AKIRIN2: variants seen among roughly 807,000 people sequenced by gnomAD.
The protein encoded by AKIRIN2 is akirin 2.
A neutral mutation model predicts 29.3 loss-of-function variants in AKIRIN2; 6 were observed. The observed-to-expected ratio is 0.20, with a 90% CI of 0.11 to 0.40. AKIRIN2 has a LOEUF of 0.40. Ranked by LOEUF, AKIRIN2 falls within the 10% of genes least tolerant of loss-of-function variation. The probability of loss-of-function intolerance (pLI) is 1.00; values close to 1 mark genes in which losing one functional copy is unlikely to be tolerated. For missense variants in AKIRIN2, 210 were observed against 276.1 expected, an observed-to-expected ratio of 0.76 and a Z score of 1.70; for synonymous variants, 128 against 117.5, an observed-to-expected ratio of 1.09 and a Z score of -0.58.
chr6:87,699,125 G>A (rs1337273574), intron 1 of AKIRIN2, among the ~76,000 whole-genome samples: 1 of 152,104 alleles, frequency 6.6e-6, no homozygotes, highest in African/African-American at 2.4e-5. Flanking sequence ...AATGACAGAT[G>A]GGTATTTACT....
chr6:87,697,362 T>C (rs960904187), intron 1 of AKIRIN2, among the ~76,000 whole-genome samples: 1 of 150,388 alleles, frequency 6.6e-6, no homozygotes, highest in Non-Finnish European at 1.5e-5. Context: ...CAGTTTTTAA[T>C]GGCCATAAAC....
intron 1 of AKIRIN2, among the ~76,000 whole-genome samples, chr6:87,701,017 C>T (rs940081655): frequency 6.8e-6 from 1 of 147,662 alleles, no homozygotes; most frequent in African/African-American, 2.5e-5. Flanking sequence ...ACCACCCAGT[C>T]CCAGAGTTAA....
intron 1 of AKIRIN2, among the ~76,000 whole-genome samples, chr6:87,689,500 A>G (rs945019639): frequency 6.6e-6 from 1 of 152,176 alleles, no homozygotes; most frequent in Non-Finnish European, 1.5e-5. Context: ...CATACCTGGA[A>G]CCAGGATTTG....
At chr6:87,701,373 G>C in intron 1 of AKIRIN2, 77 bp downstream of exon 1, 1 of 1,430,504 alleles carries the variant, frequency 7.0e-7, no homozygotes, top group Non-Finnish European at 9.2e-7. Flanking sequence ...CCCCACCCCA[G>C]GGGCCGCATC....
intron 3 of AKIRIN2, among the ~76,000 whole-genome samples, chr6:87,676,520 G>A (rs117759401): frequency 0.08 from 11,740 of 145,980 alleles, 548 homozygotes; most frequent in African/African-American, 0.11. Flanking sequence ...ACTTTGGGAC[G>A]CCGAGGCGGG....
At chr6:87,693,317 T>C (rs1292481966) in intron 1 of AKIRIN2, among the ~76,000 whole-genome samples, 1 of 151,868 alleles carries the variant, frequency 6.6e-6, no homozygotes, top group Non-Finnish European at 1.5e-5. Flanking sequence ...TAAAAAAAAA[T>C]TGTAACACCT....
At chr6:87,696,387 G>C (rs1311988512) in intron 1 of AKIRIN2, among the ~76,000 whole-genome samples, 2 of 151,732 alleles carry the variant, frequency 1.3e-5, no homozygotes, top group Non-Finnish European at 2.9e-5. Context: ...CTCAAGTTAG[G>C]CTTTATTTTC....
intron 3 of AKIRIN2, among the ~76,000 whole-genome samples, chr6:87,677,032 G>A (rs1464347196): frequency 2.0e-5 from 3 of 151,054 alleles, no homozygotes; most frequent in Admixed American, 6.6e-5. Context: ...AGCCAAGACT[G>A]CGCCACTGCA....
At chr6:87,678,863 T>A (rs928546773) in intron 2 of AKIRIN2, among the ~76,000 whole-genome samples, 1 of 152,152 alleles carries the variant, frequency 6.6e-6, no homozygotes, top group East Asian at 1.9e-4. Context: ...ACGCCGGGCA[T>A]GGTGGCTCAC....
At chr6:87,701,314 G>T in intron 1 of AKIRIN2, 136 bp downstream of exon 1, 1 of 809,842 alleles carries the variant, frequency 1.2e-6, no homozygotes, top group Non-Finnish European at 1.8e-6. Flanking sequence ...AGTGAAAAAC[G>T]TGGCTGCCCT....
At chr6:87,687,873 C>G (rs570318974) in intron 1 of AKIRIN2, among the ~76,000 whole-genome samples, 1 of 152,180 alleles carries the variant, frequency 6.6e-6, no homozygotes, top group East Asian at 1.9e-4. Flanking sequence ...CATGGCTGCA[C>G]GCAGTGGCTC....
At chr6:87,679,137 GAAAA>G (rs34554650) in intron 2 of AKIRIN2, among the ~76,000 whole-genome samples, 1 of 84,164 alleles carries the variant, frequency 1.2e-5, no homozygotes. Flanking sequence ...CTTCATCTCA[GAAAA>G]AAAAAAAAAA....
chr6:87,693,501 G>A lies in AKIRIN2; in HGVS notation c.235+7949C>T, dbSNP rs532827036. Among the ~76,000 whole-genome samples, 353 of 152,190 alleles carry A rather than the reference G, an allele frequency of 2.3e-3. 3 individuals carry two copies. Among genetic ancestry groups the A allele is most frequent in the Admixed American group, 3.7e-3 (56 of 15,294 alleles). On this transcript the variant is annotated intron_variant, in intron 1 of 4. Coordinates refer to ENST00000257787, the MANE Select transcript of AKIRIN2 (RefSeq NM_018064.4). ...TCCCAGCACTGTGGCAGGCCCAGAC[G>A]GGCGGATCACGAGGTCAGGAGTTCA...
intron 1 of AKIRIN2, among the ~76,000 whole-genome samples, chr6:87,683,160 C>G (rs1197641612): frequency 6.6e-6 from 1 of 151,948 alleles, no homozygotes; most frequent in East Asian, 1.9e-4. Context: ...AAAAAAGTGG[C>G]AAGACATATC....
intron 1 of AKIRIN2, among the ~76,000 whole-genome samples, chr6:87,698,699 T>C (rs1771409849): frequency 6.6e-6 from 1 of 152,226 alleles, no homozygotes; most frequent in African/African-American, 2.4e-5. Flanking sequence ...GCTCTAAGCC[T>C]TGCGGTTAAG....
intron 1 of AKIRIN2, among the ~76,000 whole-genome samples, chr6:87,688,281 G>A (rs1412633597): frequency 2.0e-5 from 3 of 152,000 alleles, no homozygotes. Context: ...ACAGGTGCCC[G>A]CCACTATGCC....
chr6:87,698,018 G>A (rs1771398941), intron 1 of AKIRIN2, among the ~76,000 whole-genome samples: 1 of 151,958 alleles, frequency 6.6e-6, no homozygotes, highest in Admixed American at 6.6e-5. Flanking sequence ...TTCTTTCTTG[G>A]GAATGTCATG....
chr6:87,686,560 G>C (rs1431102482), intron 1 of AKIRIN2, among the ~76,000 whole-genome samples: 3 of 151,888 alleles, frequency 2.0e-5, no homozygotes, highest in Non-Finnish European at 4.4e-5. Flanking sequence ...GACCCACAAA[G>C]CTTTACTATT....
chr6:87,685,005 T>G (rs1319317730), intron 1 of AKIRIN2, among the ~76,000 whole-genome samples: 2 of 152,336 alleles, frequency 1.3e-5, no homozygotes, highest in South Asian at 4.2e-4. Flanking sequence ...GTATTACAGC[T>G]CCAGCTGTTC....
Sources: allele counts gnomAD v4.1 joint callset (sites outside exome capture counted in the v4.1 genomes callset), GRCh38; gene constraint gnomAD v4.1.1; transcripts MANE v1.5; gene names NCBI Gene and HGNC (gene_info 2026-07-23, HGNC 2026-07-21).